ASPH: variants seen among roughly 807,000 people sequenced by gnomAD.
The protein encoded by ASPH is aspartate beta-hydroxylase, also known as aspartyl/asparaginyl beta-hydroxylase.
In ASPH, 100 loss-of-function variants were observed where a neutral mutation model predicts 118.4. The observed-to-expected ratio is 0.84, with a 90% CI of 0.72 to 1.00. ASPH has a LOEUF of 1.00. ASPH is among the 50% of genes least tolerant of loss of function. The pLI, the probability that ASPH is intolerant of heterozygous loss-of-function variation, is 0.00. For missense variants in ASPH, 920 were observed against 919.5 expected (o/e 1.00, Z -0.01); for synonymous variants, 315 against 325.6 (o/e 0.97, Z 0.35).
At chr8:61,525,076 C>A (rs1814773567) in intron 22 of ASPH, among the ~76,000 whole-genome samples, 1 of 152,122 alleles carries the variant, frequency 6.6e-6, no homozygotes, top group Non-Finnish European at 1.5e-5. Context: ...AAAGTAGTTC[C>A]TCTTATTCTT....
chr8:61,668,753 CTG>C (rs1230867668), intron 3 of ASPH, among the ~76,000 whole-genome samples: 1 of 152,186 alleles, frequency 6.6e-6, no homozygotes, highest in Non-Finnish European at 1.5e-5. Flanking sequence ...CCAGTTCGCA[CTG>C]TCTTTTAAAA....
intron 13 of ASPH, among the ~76,000 whole-genome samples, chr8:61,622,567 C>G (rs1055629444): frequency 6.6e-6 from 1 of 152,200 alleles, no homozygotes; most frequent in Non-Finnish European, 1.5e-5. Flanking sequence ...CCAGTCCTCA[C>G]GTCACAGCTT....
intron 22 of ASPH, among the ~76,000 whole-genome samples, chr8:61,523,164 C>T (rs1430048988): frequency 6.6e-6 from 1 of 152,066 alleles, no homozygotes; most frequent in Non-Finnish European, 1.5e-5. Flanking sequence ...AAACTGGTCA[C>T]TCACCTCCCT....
chr8:61,653,710 G>A (rs1468009358), intron 3 of ASPH, 50 bp from the exon 4 acceptor site: 6 of 1,558,030 alleles, frequency 3.9e-6, no homozygotes, highest in Non-Finnish European at 5.3e-6. Context: ...GGGGTTTTCT[G>A]TCACATTAAA....
intron 3 of ASPH, chr8:61,664,269 G>A: frequency 1.0e-6 from 1 of 967,000 alleles, no homozygotes; most frequent in Non-Finnish European, 1.2e-6. Context: ...CCTTAGAAAT[G>A]GTAAATAATA....
chr8:61,621,702 G>C (rs1230815061), intron 13 of ASPH, among the ~76,000 whole-genome samples: 3 of 152,184 alleles, frequency 2.0e-5, no homozygotes, highest in African/African-American at 4.8e-5. Flanking sequence ...TCTTGTGTAG[G>C]ATTACAAAAC....
chr8:61,660,050 G>A (rs923378224), intron 3 of ASPH: 5 of 151,580 alleles, frequency 3.3e-5, no homozygotes, highest in Non-Finnish European at 7.4e-5. Flanking sequence ...TGCTGCATGG[G>A]TATATTGCGT....
At chr8:61,645,357 C>T (rs1225281950) in intron 6 of ASPH, among the ~76,000 whole-genome samples, 1 of 152,140 alleles carries the variant, frequency 6.6e-6, no homozygotes, top group Non-Finnish European at 1.5e-5. Context: ...ATTCCTCATG[C>T]TTCTGTTTAT....
At chr8:61,664,750 C>CT in intron 3 of ASPH, 1 of 985,852 alleles carries the variant, frequency 1.0e-6, no homozygotes, top group Non-Finnish European at 1.2e-6. Flanking sequence ...GCTGGGAGGG[C>CT]TGGAGAGGAG....
At chr8:61,531,964 T>C (rs1205209141) in intron 21 of ASPH, among the ~76,000 whole-genome samples, 1 of 152,224 alleles carries the variant, frequency 6.6e-6, no homozygotes, top group South Asian at 2.1e-4. Context: ...GTTGTTTCCA[T>C]ATCTTGACTA....
intron 18 of ASPH, among the ~76,000 whole-genome samples, chr8:61,558,158 A>C (rs1478224923): frequency 6.6e-6 from 1 of 152,218 alleles, no homozygotes; most frequent in African/African-American, 2.4e-5. Flanking sequence ...GCAAGATGGT[A>C]AATGTAGCTA....
intron 1 of ASPH, among the ~76,000 whole-genome samples, chr8:61,714,053 T>C (rs1177344280): frequency 6.6e-6 from 1 of 152,182 alleles, no homozygotes; most frequent in Non-Finnish European, 1.5e-5. Flanking sequence ...GAGACTAGCA[T>C]CCCGAGGGCT....
chr8:61,505,246 A>C (rs754849111), intron 24 of ASPH, among the ~76,000 whole-genome samples: 1 of 152,146 alleles, frequency 6.6e-6, no homozygotes, highest in Non-Finnish European at 1.5e-5. Context: ...CTGTAATCTC[A>C]GCACTTTGGG....
intron 3 of ASPH, among the ~76,000 whole-genome samples, chr8:61,670,929 AGAAG>A (rs1424699950): frequency 1.3e-5 from 2 of 152,108 alleles, no homozygotes; most frequent in Non-Finnish European, 2.9e-5. Flanking sequence ...TGACCCTGGA[AGAAG>A]GAAGGTTGTG....
At chr8:61,594,083 G>A (rs1303958502) in intron 14 of ASPH, among the ~76,000 whole-genome samples, 1 of 152,132 alleles carries the variant, frequency 6.6e-6, no homozygotes, top group Admixed American at 6.6e-5. Context: ...AGCTCCAATA[G>A]CACTGCAACA....
intron 13 of ASPH, chr8:61,628,431 A>C (rs1853990621): frequency 3.3e-6 from 1 of 303,308 alleles, no homozygotes; most frequent in African/African-American, 2.3e-5. Flanking sequence ...GGCACCCCAA[A>C]GTGCTGACAC....
At chr8:61,695,171 A>T (rs577229608) in intron 1 of ASPH, among the ~76,000 whole-genome samples, 1 of 152,348 alleles carries the variant, frequency 6.6e-6, no homozygotes, top group African/African-American at 2.4e-5. Context: ...GATCATCAAA[A>T]TCCAAGTTAT....
chr8:61,536,940 G>A (rs1320510360), intron 21 of ASPH, among the ~76,000 whole-genome samples: 1 of 152,172 alleles, frequency 6.6e-6, no homozygotes, highest in Non-Finnish European at 1.5e-5. Flanking sequence ...GATAACATGA[G>A]GCACCTAGCT....
chr8:61,661,894 T>A, intron 3 of ASPH: 1 of 450,142 alleles, frequency 2.2e-6, no homozygotes, highest in East Asian at 3.4e-5. Flanking sequence ...TTGTGAAATT[T>A]TGAGACGATC....
Sources: allele counts gnomAD v4.1 joint callset (sites outside exome capture counted in the v4.1 genomes callset), GRCh38; gene constraint gnomAD v4.1.1; transcripts MANE v1.5; gene names NCBI Gene and HGNC (gene_info 2026-07-23, HGNC 2026-07-21).